Variants in UPF2 observed in about 807,000 individuals in gnomAD.
UPF2 encodes the protein UPF2 regulator of nonsense mediated mRNA decay.
In UPF2, 17 loss-of-function variants were observed where a neutral mutation model predicts 141.4. The ratio of observed to expected loss-of-function variants is 0.12; its 90% CI spans 0.08 to 0.18. The LOEUF is 0.18. Among genes scored for constraint, UPF2 ranks in the 10% least tolerant of loss-of-function variants. The probability of loss-of-function intolerance (pLI) is 1.00; values close to 1 mark genes in which losing one functional copy is unlikely to be tolerated. For missense variants in UPF2, 1,152 were observed against 1,515.9 expected (o/e 0.76, Z 3.99); for synonymous variants, 540 against 498.0 (o/e 1.08, Z -1.12).
At chr10:12,038,833 G>A (rs915003137) in intron 1 of UPF2, among the ~76,000 whole-genome samples, 4 of 151,992 alleles carry the variant, frequency 2.6e-5, no homozygotes, top group African/African-American at 9.7e-5. Flanking sequence ...AAAAAAAACT[G>A]TTTTAATAAA....
At chr10:11,982,389 C>G (rs1564354614) in intron 8 of UPF2, among the ~76,000 whole-genome samples, 1 of 152,232 alleles carries the variant, frequency 6.6e-6, no homozygotes, top group Admixed American at 6.5e-5. Context: ...GGGACTGATC[C>G]ACCCTCTTCT....
intron 19 of UPF2, among the ~76,000 whole-genome samples, chr10:11,933,181 C>T (rs2131155307): frequency 6.6e-6 from 1 of 152,234 alleles, no homozygotes; most frequent in South Asian, 2.1e-4. Flanking sequence ...ACAAAGAGGT[C>T]TTTCACTTAA....
chr10:11,938,842 GTTTTTTTTTTGTTTTTTTTTTTTTT>G lies in UPF2; in HGVS notation c.3379-2155_3379-2131del, dbSNP rs1476449429. ...GTCCTAGCCATGTGGTCTTAAGCAA[GTTTTTTTTTTGTTTTTTTTTTTTTT>G]TTTTTTTTTTTTTTTGGAGACGGAG... On this transcript the variant is annotated intron_variant, in intron 18 of 21. Coordinates refer to ENST00000357604, the MANE Select transcript of UPF2 (RefSeq NM_015542.4). 4.6e-3 allele frequency among the ~76,000 whole-genome samples: 213 copies of G among 45,872 alleles called. 1 individual carries two copies. The highest frequency in any genetic ancestry group is 0.014 in the African/African-American group (197 of 14,240). The allele number at this position is 45,872 out of a possible 152,430, so 30.1% of individuals were successfully genotyped here.
At position 11,979,028 on chromosome 10, in the gene UPF2, T is replaced by C. The variant is rs775453770; in HGVS notation, c.1953+29A>G. ...CTCACTCAACGTATAAGAATATAAA[T>C]ATTTCAAAATAAATGCTTAAATACA... On this transcript the variant is annotated intron_variant, in intron 9 of 21. Transcript: ENST00000357604. The surrounding 1 kb of genome is among the most constrained non-coding windows in gnomAD (Gnocchi z 6.2). 1.1e-5 allele frequency: 17 copies of C among 1,522,056 alleles called. No individual in the cohort carries two copies. The highest frequency in any genetic ancestry group is 1.7e-4 in the Middle Eastern group (1 of 5,904). 94.3% of individuals were successfully genotyped at this position (1,522,056 alleles called of 1,614,324 possible).
intron 16 of UPF2, among the ~76,000 whole-genome samples, 173 bp downstream of exon 16, chr10:11,948,196 C>T (rs938853308): frequency 5.7e-5 from 8 of 141,498 alleles, no homozygotes; most frequent in Admixed American, 7.6e-5. Context: ...TGCAGTGAGC[C>T]GAGATTGTGC....
At chr10:11,941,949 CA>C (rs1233344561) in intron 18 of UPF2, among the ~76,000 whole-genome samples, 1 of 152,166 alleles carries the variant, frequency 6.6e-6, no homozygotes, top group Non-Finnish European at 1.5e-5. Flanking sequence ...CATTAAATAA[CA>C]AACATTTTTC....
intron 19 of UPF2, among the ~76,000 whole-genome samples, chr10:11,932,600 T>C (rs1384134273): frequency 6.6e-6 from 1 of 152,104 alleles, no homozygotes; most frequent in Admixed American, 6.5e-5. Flanking sequence ...TACGGGGAAA[T>C]GAAGAGACAA....
chr10:11,933,754 G>A (rs1832809370), intron 19 of UPF2, among the ~76,000 whole-genome samples: 1 of 152,150 alleles, frequency 6.6e-6, no homozygotes, highest in Non-Finnish European at 1.5e-5. Flanking sequence ...AGGGCCAGAT[G>A]GGGTGTAGAG....
intron 6 of UPF2, among the ~76,000 whole-genome samples, chr10:12,001,088 T>C (rs1331813032): frequency 6.6e-6 from 1 of 152,200 alleles, no homozygotes; most frequent in African/African-American, 2.4e-5. Flanking sequence ...ATCTTTATTC[T>C]ATCACAGAAG....
intron 9 of UPF2, among the ~76,000 whole-genome samples, chr10:11,973,869 C>T (rs982679550): frequency 2.6e-5 from 4 of 152,158 alleles, no homozygotes; most frequent in African/African-American, 9.7e-5. Context: ...GCAATGCGGG[C>T]TCTTTTTTGG....
At chr10:12,032,832 C>T (rs1439730996) in intron 2 of UPF2, among the ~76,000 whole-genome samples, 2 of 151,896 alleles carry the variant, frequency 1.3e-5, no homozygotes, top group African/African-American at 2.4e-5. Context: ...GCTTCTGTTC[C>T]TTATTAAAAG....
In UPF2 at chr10:12,000,014, T is replaced by C; in HGVS notation, c.1655-5A>G. 2 of 1,588,360 alleles carry C rather than the reference T, an allele frequency of 1.3e-6. No individual in the cohort carries two copies. The highest frequency in any genetic ancestry group is 2.3e-5 in the East Asian group (1 of 44,438). ...TGGCTTCCTCATCTTCTTGTTCTAA[T>C]GTAAAATTAGTTTTTAAATAGGTTA... On this transcript the variant is annotated splice_region_variant and splice_polypyrimidine_tract_variant and intron_variant, in intron 6 of 21. Coordinates refer to ENST00000357604, the MANE Select transcript of UPF2 (RefSeq NM_015542.4).
rs1833580618 is a variant in UPF2, at chr10:11,980,906, T to A, written c.1845-1741A>T. Among the ~76,000 whole-genome samples, 1 of 151,930 alleles carries A rather than the reference T, an allele frequency of 6.6e-6. No homozygotes were observed. Among genetic ancestry groups the A allele is most frequent in the Admixed American group, 6.6e-5 (1 of 15,246 alleles). ...AGGATGGAAATAAATTTGAAAGGTA[T>A]GGTTAGGCTGGGCATGGTGGTCAAT... On this transcript the variant is annotated intron_variant, in intron 8 of 21. Transcript: ENST00000357604. This position sits in a 1 kb window ranked among gnomAD's most constrained non-coding sequence, Gnocchi z 4.2.
intron 4 of UPF2, among the ~76,000 whole-genome samples, chr10:12,013,119 T>C (rs1258576469): frequency 1.3e-5 from 2 of 149,690 alleles, no homozygotes; most frequent in Non-Finnish European, 3.0e-5. Context: ...AGCAAGACTC[T>C]GTCTCAAAAA....
intron 10 of UPF2, among the ~76,000 whole-genome samples, 181 bp downstream of exon 10, chr10:11,967,160 A>G (rs949034458): frequency 5.3e-5 from 8 of 152,330 alleles, no homozygotes; most frequent in African/African-American, 1.4e-4. Context: ...GTAGAACTGC[A>G]TAAGTATCTA....
intron 8 of UPF2, among the ~76,000 whole-genome samples, chr10:11,984,315 A>G (rs1430983536): frequency 1.3e-5 from 2 of 152,164 alleles, no homozygotes; most frequent in Non-Finnish European, 2.9e-5. Flanking sequence ...TTTTCAAAAA[A>G]TTATGTTTCA....
At position 11,935,491 on chromosome 10, in the gene UPF2, T is replaced by C. The variant is rs1227324850; in HGVS notation, c.3546+1054A>G. 6.6e-6 allele frequency among the ~76,000 whole-genome samples: 1 copy of C among 152,230 alleles called. No individual in the cohort carries two copies. The highest frequency in any genetic ancestry group is 1.5e-5 in the Non-Finnish European group (1 of 68,040). ...TTCTAAGATACACCATTATTTTACT[T>C]ATCACTAAAGCAGAAAGAAATGCTG... is the stretch of plus-strand genomic sequence containing the variant. On this transcript the variant is annotated intron_variant, in intron 19 of 21. Transcript: ENST00000357604. The surrounding 1 kb of genome is among the most constrained non-coding windows in gnomAD (Gnocchi z 4.9).
chr10:12,009,609 G>A lies in UPF2; in HGVS notation c.1306+4415C>T, dbSNP rs796414369. 3.9e-5 allele frequency among the ~76,000 whole-genome samples: 6 copies of A among 152,270 alleles called. 1 individual carries two copies. The highest frequency in any genetic ancestry group is 1.2e-4 in the African/African-American group (5 of 41,562). ...AAATAATCCCTGATAGGGAGCAGAC[G>A]AAAAACTCAGCTCTACAATTGCCCC... On this transcript the variant is annotated intron_variant, in intron 4 of 21. Transcript: ENST00000357604.
intron 4 of UPF2, among the ~76,000 whole-genome samples, chr10:12,011,078 C>A (rs1475792335): frequency 6.6e-6 from 1 of 152,302 alleles, no homozygotes; most frequent in African/African-American, 2.4e-5. Flanking sequence ...AACATCTGGG[C>A]TCATGCAATC....
Sources: allele counts gnomAD v4.1 joint callset (sites outside exome capture counted in the v4.1 genomes callset), GRCh38; gene constraint gnomAD v4.1.1; non-coding constraint Gnocchi (gnomAD v3.1); transcripts MANE v1.5; gene names NCBI Gene and HGNC (gene_info 2026-07-23, HGNC 2026-07-21).